Variants in CPEB3 observed in about 807,000 individuals in gnomAD.
The protein encoded by CPEB3 is cytoplasmic polyadenylation element binding protein 3.
Under a neutral mutation model 67.2 loss-of-function variants are expected in CPEB3, and 20 were observed. That is an observed-to-expected ratio of 0.30 (90% CI 0.21 to 0.43). CPEB3 has a LOEUF of 0.43. Ranked by LOEUF, CPEB3 falls within the 20% of genes least tolerant of loss-of-function variation. The probability of loss-of-function intolerance (pLI) is 1.00; values close to 1 mark genes in which losing one functional copy is unlikely to be tolerated. For missense variants in CPEB3, 746 were observed against 968.6 expected, an observed-to-expected ratio of 0.77 and a Z score of 3.05; for synonymous variants, 376 against 393.1, an observed-to-expected ratio of 0.96 and a Z score of 0.51.
At chr10:92,273,687 A>T (rs1334106891) in intron 1 of CPEB3, among the ~76,000 whole-genome samples, 5 of 152,176 alleles carry the variant, frequency 3.3e-5, no homozygotes, top group African/African-American at 1.2e-4. Context: ...CACCTATCAG[A>T]TTGACAAAAA....
rs993704405 is a variant in CPEB3 at position 92,099,464 on chromosome 10, T to C, written c.1573-7520A>G. The stretch of plus-strand genomic sequence containing the variant: ...ACCGTGCCTGACCTCTACTATGCAT[T>C]ATTTCTTTAAACAGAATGCTATATG... On this transcript the variant is annotated intron_variant, in intron 7 of 9. Coordinates refer to ENST00000265997, the MANE Select transcript of CPEB3 (RefSeq NM_014912.5). Among the ~76,000 whole-genome samples, 5 of 152,128 alleles carry C rather than the reference T, an allele frequency of 3.3e-5. No individual in the cohort carries two copies. In the South Asian group the frequency reaches 8.3e-4, roughly 25 times the overall value.
intron 2 of CPEB3, among the ~76,000 whole-genome samples, chr10:92,206,866 A>G (rs1425952290): frequency 6.6e-6 from 1 of 152,154 alleles, no homozygotes; most frequent in Admixed American, 6.5e-5. Context: ...GGTCTGGGAG[A>G]GTTATTTAAA....
intron 2 of CPEB3, among the ~76,000 whole-genome samples, chr10:92,217,773 T>A (rs939698283): frequency 1.0e-4 from 15 of 148,888 alleles, no homozygotes; most frequent in African/African-American, 3.5e-4. Flanking sequence ...AAAAAAATAA[T>A]AAAAAAAAAA....
intron 2 of CPEB3, among the ~76,000 whole-genome samples, chr10:92,207,436 C>CT (rs1849846035): frequency 1.3e-5 from 2 of 152,194 alleles, no homozygotes; most frequent in Non-Finnish European, 2.9e-5. Context: ...TCTGAATTGC[C>CT]TGCACTTTAA....
chr10:92,281,199 CT>C (rs1486988072), intron 1 of CPEB3, among the ~76,000 whole-genome samples: 8 of 151,094 alleles, frequency 5.3e-5, no homozygotes, highest in Admixed American at 1.3e-4. Context: ...GAAGAAATGT[CT>C]TTTTAGGTCC....
chr10:92,287,631 T>C (rs1842592678), intron 1 of CPEB3, among the ~76,000 whole-genome samples: 1 of 152,182 alleles, frequency 6.6e-6, no homozygotes, highest in Non-Finnish European at 1.5e-5. Context: ...TTATGAACAT[T>C]TTCTGTGGAG....
chr10:92,271,290 T>G (rs1481614431), intron 1 of CPEB3, among the ~76,000 whole-genome samples: 2 of 152,218 alleles, frequency 1.3e-5, no homozygotes, highest in African/African-American at 4.8e-5. Context: ...CTCCAAATGT[T>G]AACAAATCTT....
intron 1 of CPEB3, among the ~76,000 whole-genome samples, chr10:92,256,392 T>C (rs1852513765): frequency 6.6e-6 from 1 of 151,480 alleles, no homozygotes; most frequent in South Asian, 2.1e-4. Flanking sequence ...AAACCTTTTT[T>C]CTTTTTTTTT....
chr10:92,158,543 T>C (rs566608169), intron 4 of CPEB3, among the ~76,000 whole-genome samples: 78 of 152,298 alleles, frequency 5.1e-4, no homozygotes, highest in Non-Finnish European at 6.9e-4. Flanking sequence ...TCTCTCTTCA[T>C]AGATTCCCCT....
intron 1 of CPEB3, chr10:92,272,039 A>G (rs930331576): frequency 6.6e-6 from 1 of 152,096 alleles, no homozygotes; most frequent in African/African-American, 2.4e-5. Context: ...TATTTATTCT[A>G]TTCGTTATAA....
intron 4 of CPEB3, among the ~76,000 whole-genome samples, chr10:92,164,670 C>T (rs957032772): frequency 3.9e-5 from 6 of 152,134 alleles, no homozygotes. Flanking sequence ...GGACAAACTA[C>T]AATTTATCCA....
intron 4 of CPEB3, among the ~76,000 whole-genome samples, chr10:92,180,156 T>A (rs1242349136): frequency 6.6e-6 from 1 of 152,224 alleles, no homozygotes; most frequent in Non-Finnish European, 1.5e-5. Flanking sequence ...GCCACCCAGA[T>A]TATTTCTTCT....
At chr10:92,280,841 C>A (rs938434735) in intron 1 of CPEB3, among the ~76,000 whole-genome samples, 1 of 137,958 alleles carries the variant, frequency 7.2e-6, no homozygotes, top group Non-Finnish European at 1.5e-5. Flanking sequence ...CTCACTGTAA[C>A]CCCCGCCTCC....
At chr10:92,192,705 T>G in intron 2 of CPEB3, 69 bp from the exon 3 acceptor site, 1 of 1,237,874 alleles carries the variant, frequency 8.1e-7, no homozygotes, top group African/African-American at 1.5e-5. Flanking sequence ...TATCATTTGC[T>G]TCCTGCTGTG....
intron 2 of CPEB3, among the ~76,000 whole-genome samples, chr10:92,237,981 T>C (rs1016265004): frequency 2.0e-5 from 3 of 152,220 alleles, no homozygotes; most frequent in Admixed American, 2.0e-4. Context: ...GAGAGTCATG[T>C]CCTTCTCAAT....
At chr10:92,274,952 C>T (rs1211815041) in intron 1 of CPEB3, among the ~76,000 whole-genome samples, 2 of 152,098 alleles carry the variant, frequency 1.3e-5, no homozygotes, top group African/African-American at 2.4e-5. Context: ...ATGAGGTGTT[C>T]CCTCCTCAGA....
intron 1 of CPEB3, among the ~76,000 whole-genome samples, chr10:92,264,387 G>A (rs1852947784): frequency 6.6e-6 from 1 of 151,466 alleles, no homozygotes; most frequent in Non-Finnish European, 1.5e-5. Context: ...TAACTAGTAG[G>A]TGAATAAGCT....
intron 4 of CPEB3, among the ~76,000 whole-genome samples, chr10:92,145,334 A>G (rs1846627481): frequency 1.3e-5 from 2 of 152,194 alleles, no homozygotes; most frequent in African/African-American, 2.4e-5. Flanking sequence ...TAACTAAAGA[A>G]AAAGAATCAT....
intron 8 of CPEB3, among the ~76,000 whole-genome samples, chr10:92,082,021 TA>T (rs573917011): frequency 6.6e-6 from 1 of 152,172 alleles, no homozygotes; most frequent in Non-Finnish European, 1.5e-5. Context: ...CTCCACAATT[TA>T]AAAAAATAAA....
Sources: gnomAD v4.1 joint callset for allele counts (sites outside exome capture counted in the v4.1 genomes callset) on GRCh38, gnomAD v4.1.1 for gene constraint, MANE v1.5 for transcripts, NCBI Gene and HGNC (gene_info 2026-07-23, HGNC 2026-07-21) for gene names.